NLGN4X: variants seen among roughly 807,000 people sequenced by gnomAD.
NLGN4X encodes neuroligin 4 X-linked, also known as neuroligin-4, X-linked.
NLGN4X carries 3 observed loss-of-function variants against 40.3 expected under a neutral mutation model. That is an observed-to-expected ratio of 0.07 (90% CI 0.03 to 0.19). The LOEUF (loss-of-function observed/expected upper bound fraction) is 0.19, where lower values mean the gene tolerates loss of function less well. Ranked by LOEUF, NLGN4X falls within the 10% of genes least tolerant of loss-of-function variation. The pLI is 1.00. For missense variants in NLGN4X, 382 were observed against 708.3 expected (o/e 0.54, Z 5.23); for synonymous variants, 270 against 306.8 (o/e 0.88, Z 1.25).
At chrX:6,178,685 A>G (rs1374308850) in intron 1 of NLGN4X, among the ~76,000 whole-genome samples, 2 of 112,782 alleles carry the variant, frequency 1.8e-5, no homozygotes, top group Middle Eastern at 4.6e-3. Context: ...CAAAAAAAGT[A>G]TTGTAGTGCA....
intron 3 of NLGN4X, among the ~76,000 whole-genome samples, chrX:6,027,025 G>A (rs889417848): frequency 5.4e-5 from 6 of 111,475 alleles, no homozygotes; most frequent in African/African-American, 2.0e-4. Flanking sequence ...AATTCATCAC[G>A]CATGCAACAG....
At chrX:6,006,507 C>T (rs765154368) in intron 3 of NLGN4X, among the ~76,000 whole-genome samples, 2 of 111,120 alleles carry the variant, frequency 1.8e-5, no homozygotes, top group East Asian at 2.8e-4. Context: ...ATAATTTGGG[C>T]AGATGTTAAG....
At chrX:6,098,838 C>T (rs1408313784) in intron 2 of NLGN4X, among the ~76,000 whole-genome samples, 3 of 112,311 alleles carry the variant, frequency 2.7e-5, no homozygotes, top group Admixed American at 9.4e-5. Flanking sequence ...ATCCTCACAA[C>T]TGGATCAGAA....
At chrX:5,988,155 C>T (rs764203848) in intron 3 of NLGN4X, among the ~76,000 whole-genome samples, 4 of 111,926 alleles carry the variant, frequency 3.6e-5, no homozygotes, top group Non-Finnish European at 5.6e-5. Context: ...GACACACTTC[C>T]GTACAGTAGC....
chrX:6,077,310 G>GTGTGTGTGGT (rs1168394609), intron 2 of NLGN4X, among the ~76,000 whole-genome samples: 5 of 102,516 alleles, frequency 4.9e-5, no homozygotes, highest in Admixed American at 2.1e-4. Context: ...GTGTGTGTGT[G>GTGTGTGTGGT]GTGTGTGTGT....
chrX:5,942,747 T>C (rs1179322141), intron 3 of NLGN4X, among the ~76,000 whole-genome samples: 2 of 110,605 alleles, frequency 1.8e-5, no homozygotes, highest in South Asian at 3.9e-4. Context: ...AATGGCGTTA[T>C]CTTCCTTGAT....
intron 2 of NLGN4X, among the ~76,000 whole-genome samples, chrX:6,073,270 T>A (rs145701089): frequency 3.5e-3 from 393 of 112,345 alleles, no homozygotes; most frequent in African/African-American, 0.011. Flanking sequence ...AACTGACTTT[T>A]TACATTTTTT....
intron 4 of NLGN4X, among the ~76,000 whole-genome samples, chrX:5,906,511 T>G (rs2032187730): frequency 1.8e-5 from 2 of 110,578 alleles, no homozygotes; most frequent in South Asian, 7.9e-4. Context: ...ACTTTTTAAT[T>G]TTATGTATGT....
At chrX:6,049,973 A>G (rs4370667) in intron 2 of NLGN4X, among the ~76,000 whole-genome samples, 38,945 of 110,400 alleles carry the variant, frequency 0.35, 5,148 homozygotes, top group Non-Finnish European at 0.39. Context: ...CAATTAATGC[A>G]ATGGAATGAA....
At chrX:5,917,351 G>C (rs996550034) in intron 3 of NLGN4X, among the ~76,000 whole-genome samples, 16 of 112,648 alleles carry the variant, frequency 1.4e-4, no homozygotes, top group African/African-American at 5.2e-4. Flanking sequence ...CTTTCCAAAA[G>C]TGTCCTGTGT....
intron 3 of NLGN4X, among the ~76,000 whole-genome samples, chrX:6,006,597 C>T (rs1264296897): frequency 9.0e-6 from 1 of 111,216 alleles, no homozygotes; most frequent in African/African-American, 3.3e-5. Flanking sequence ...TTTATCTTCC[C>T]AAATGTGCTT....
At chrX:6,036,395 TATTTA>T (rs1260084752) in intron 2 of NLGN4X, among the ~76,000 whole-genome samples, 1 of 111,852 alleles carries the variant, frequency 8.9e-6, no homozygotes, top group African/African-American at 3.3e-5. Context: ...GTTCTACGTA[TATTTA>T]ATTTGTTTAT....
At chrX:5,947,941 T>C (rs763576849) in intron 3 of NLGN4X, among the ~76,000 whole-genome samples, 73 of 112,031 alleles carry the variant, frequency 6.5e-4, no homozygotes, top group African/African-American at 2.0e-3. Context: ...AATGGAAATA[T>C]GTGTATTTAA....
At chrX:5,914,594 T>A (rs1406155082) in intron 3 of NLGN4X, among the ~76,000 whole-genome samples, 1 of 80,200 alleles carries the variant, frequency 1.2e-5, no homozygotes, top group African/African-American at 5.1e-5. Context: ...TATGTGTGTA[T>A]GTATATATAT....
chrX:6,220,074 T>C (rs771730349), intron 1 of NLGN4X, among the ~76,000 whole-genome samples: 2 of 111,035 alleles, frequency 1.8e-5, no homozygotes, highest in East Asian at 5.6e-4. Flanking sequence ...CTATATTCTT[T>C]TTAAAATTAA....
intron 1 of NLGN4X, among the ~76,000 whole-genome samples, chrX:6,216,438 G>C (rs1457364537): frequency 8.9e-6 from 1 of 112,012 alleles, no homozygotes; most frequent in Non-Finnish European, 1.9e-5. Flanking sequence ...ACATGGAAGA[G>C]ACAGCTGCTT....
chrX:5,916,965 T>C (rs1237157537), intron 3 of NLGN4X, among the ~76,000 whole-genome samples: 1 of 112,273 alleles, frequency 8.9e-6, no homozygotes, highest in Non-Finnish European at 1.9e-5. Flanking sequence ...AATCCAAGGG[T>C]CATTCTGTGT....
chrX:6,048,466 T>C (rs2037383927), intron 2 of NLGN4X, among the ~76,000 whole-genome samples: 1 of 111,639 alleles, frequency 9.0e-6, no homozygotes, highest in African/African-American at 3.3e-5. Context: ...ATTTCAAAGA[T>C]GTTATTAAAG....
At chrX:6,077,136 G>A (rs1308171912) in intron 2 of NLGN4X, among the ~76,000 whole-genome samples, 6 of 112,099 alleles carry the variant, frequency 5.4e-5, no homozygotes, top group African/African-American at 1.9e-4. Context: ...GTGTGTATTT[G>A]AAAATGTTTA....
Sources: allele counts gnomAD v4.1 joint callset (sites outside exome capture counted in the v4.1 genomes callset), GRCh38; gene constraint gnomAD v4.1.1; transcripts MANE v1.5; gene names NCBI Gene and HGNC (gene_info 2026-07-23, HGNC 2026-07-21).